SPON1: variants seen among roughly 807,000 people sequenced by gnomAD.
SPON1 encodes the protein spondin 1.
SPON1 carries 52 observed loss-of-function variants against 111.7 expected under a neutral mutation model. The ratio of observed to expected loss-of-function variants is 0.47; its 90% CI spans 0.37 to 0.59. The LOEUF is 0.59. Ranked by LOEUF, SPON1 falls within the 20% of genes least tolerant of loss-of-function variation. The probability of loss-of-function intolerance (pLI) is 0.00; values close to 1 mark genes in which losing one functional copy is unlikely to be tolerated. For synonymous variants in SPON1, 410 were observed against 395.8 expected (o/e 1.04, Z -0.43); for missense variants, 957 against 1,068.5 (o/e 0.90, Z 1.46).
intron 6 of SPON1, among the ~76,000 whole-genome samples, chr11:14,238,479 G>A (rs1292907117): frequency 7.9e-5 from 12 of 152,166 alleles, no homozygotes; most frequent in Admixed American, 7.9e-4. Flanking sequence ...TTGGGTGGCT[G>A]GCTCTGGAGT....
At chr11:14,220,852 C>G (rs1393823905) in intron 6 of SPON1, among the ~76,000 whole-genome samples, 1 of 152,036 alleles carries the variant, frequency 6.6e-6, no homozygotes, top group Non-Finnish European at 1.5e-5. Flanking sequence ...ACCACTGTTT[C>G]CAGGAAAAAT....
intron 6 of SPON1, among the ~76,000 whole-genome samples, chr11:14,148,515 A>G (rs1482518885): frequency 6.6e-6 from 1 of 152,220 alleles, no homozygotes; most frequent in Non-Finnish European, 1.5e-5. Context: ...ACCCAAGCTT[A>G]GGAACATTTA....
chr11:14,063,883 A>G (rs1848810642), intron 3 of SPON1, among the ~76,000 whole-genome samples: 1 of 152,184 alleles, frequency 6.6e-6, no homozygotes, highest in Non-Finnish European at 1.5e-5. Context: ...CTTGGTCAAA[A>G]CACAGAAGGC....
chr11:14,118,061 T>C (rs1229931931), intron 5 of SPON1, among the ~76,000 whole-genome samples: 3 of 152,208 alleles, frequency 2.0e-5, no homozygotes, highest in Admixed American at 2.0e-4. Flanking sequence ...GCCATCAGAG[T>C]TAAGATTGAA....
chr11:14,095,442 AGATAGAT>A (rs1449376504), intron 5 of SPON1, among the ~76,000 whole-genome samples: 2 of 143,750 alleles, frequency 1.4e-5, no homozygotes, highest in East Asian at 2.1e-4. Flanking sequence ...ATAGATAGAT[AGATAGAT>A]AATACATTTT....
At chr11:13,975,328 G>A (rs921434497) in intron 1 of SPON1, among the ~76,000 whole-genome samples, 4 of 152,252 alleles carry the variant, frequency 2.6e-5, no homozygotes, top group South Asian at 4.2e-4. Context: ...TAACCCATGG[G>A]AACTTTGGAA....
At chr11:14,157,868 A>G (rs2133871775) in intron 6 of SPON1, among the ~76,000 whole-genome samples, 1 of 151,864 alleles carries the variant, frequency 6.6e-6, no homozygotes, top group Middle Eastern at 3.4e-3. Context: ...TTTTTTTTAG[A>G]AATTCCAGTT....
At chr11:14,003,713 T>A (rs1848337475) in intron 2 of SPON1, among the ~76,000 whole-genome samples, 1 of 152,148 alleles carries the variant, frequency 6.6e-6, no homozygotes, top group East Asian at 1.9e-4. Flanking sequence ...ATAGTATACA[T>A]AATGATATAT....
Position 14,259,542 on chromosome 11 carries a change from A to C in SPON1, c.1672A>C (p.Ser558Arg). 1.9e-6 allele frequency: 3 copies of C among 1,555,014 alleles called. No individual in the cohort carries two copies. Among genetic ancestry groups the C allele is most frequent in the Non-Finnish European group, 2.6e-6 (3 of 1,149,402 alleles). ...GCCGCTGGCCTCCCCAGCTCCCAGC[A>C]GCTGCCTGATGACCGAGTGGGGCGA... is the stretch of plus-strand genomic sequence containing the variant. ...CTVNEECSPS[S>R]CLMTEWGEWD... The change falls in exon 13 of 16, where the codon AGC becomes CGC. Residue 558 changes from serine (S) to arginine (R), a missense_variant. By Grantham distance (110) the Ser-to-Arg change is moderately radical (BLOSUM62 -1). Coordinates refer to ENST00000576479, the MANE Select transcript of SPON1 (RefSeq NM_006108.4). This position sits in a 1 kb window ranked among gnomAD's most constrained non-coding sequence, Gnocchi z 5.0.
At chr11:14,033,373 CA>C (rs1848572729) in intron 2 of SPON1, among the ~76,000 whole-genome samples, 1 of 152,192 alleles carries the variant, frequency 6.6e-6, no homozygotes, top group African/African-American at 2.4e-5. Context: ...AGAACGCTTG[CA>C]ACTTCCTCTG....
chr11:14,260,011 G>C (rs1432100939), intron 13 of SPON1, among the ~76,000 whole-genome samples: 1 of 152,102 alleles, frequency 6.6e-6, no homozygotes, highest in African/African-American at 2.4e-5. Context: ...GTGGGGAGGA[G>C]GGCCAATACA....
chr11:14,191,548 C>T (rs1334704653), intron 6 of SPON1, among the ~76,000 whole-genome samples: 24 of 152,172 alleles, frequency 1.6e-4, no homozygotes, highest in African/African-American at 3.6e-4. Flanking sequence ...GTAGACAGCA[C>T]GGACTCTGAC....
intron 5 of SPON1, among the ~76,000 whole-genome samples, chr11:14,094,505 C>A (rs1479394174): frequency 6.6e-6 from 1 of 151,994 alleles, no homozygotes; most frequent in Non-Finnish European, 1.5e-5. Context: ...TAAAATTAAT[C>A]TTATTTTAAA....
At chr11:13,990,373 C>CTT (rs1159719282) in intron 2 of SPON1, among the ~76,000 whole-genome samples, 14 of 21,702 alleles carry the variant, frequency 6.5e-4, no homozygotes, top group African/African-American at 1.4e-3. Context: ...GCAACTCCTG[C>CTT]TTTTTTTTTT....
intron 6 of SPON1, among the ~76,000 whole-genome samples, chr11:14,238,732 T>A (rs1279865306): frequency 6.6e-6 from 1 of 152,216 alleles, no homozygotes; most frequent in Admixed American, 6.5e-5. Context: ...TACCAGTAAC[T>A]GTGAGGTACA....
intron 6 of SPON1, among the ~76,000 whole-genome samples, chr11:14,214,537 A>G (rs967065461): frequency 6.6e-6 from 1 of 152,198 alleles, no homozygotes; most frequent in Non-Finnish European, 1.5e-5. Context: ...ACTTTAAACT[A>G]TACATTTGAT....
intron 5 of SPON1, among the ~76,000 whole-genome samples, chr11:14,103,235 A>G (rs782576100): frequency 6.6e-6 from 1 of 152,216 alleles, no homozygotes; most frequent in Non-Finnish European, 1.5e-5. Context: ...CAAAGCAGGA[A>G]TAGGAGGAAG....
intron 6 of SPON1, among the ~76,000 whole-genome samples, chr11:14,145,966 G>C (rs1034674487): frequency 2.0e-5 from 3 of 152,110 alleles, no homozygotes; most frequent in African/African-American, 4.8e-5. Flanking sequence ...TGGCAGGTTA[G>C]AGTGAAATGA....
At chr11:14,255,881 G>A in intron 9 of SPON1, 94 bp downstream of exon 9, 1 of 1,334,704 alleles carries the variant, frequency 7.5e-7, no homozygotes, top group Non-Finnish European at 1.0e-6. Context: ...TAGAGTCACT[G>A]GCAGAAAGCA....
Sources: gnomAD v4.1 joint callset for allele counts (sites outside exome capture counted in the v4.1 genomes callset) on GRCh38, gnomAD v4.1.1 for gene constraint, Gnocchi (gnomAD v3.1) non-coding constraint, MANE v1.5 for transcripts, NCBI Gene and HGNC (gene_info 2026-07-23, HGNC 2026-07-21) for gene names.